VWC2: variants seen among roughly 807,000 people sequenced by gnomAD.
VWC2 encodes brorin.
VWC2 carries 14 observed loss-of-function variants against 29.8 expected under a neutral mutation model. That is an observed-to-expected ratio of 0.47 (90% CI 0.31 to 0.74). The LOEUF (loss-of-function observed/expected upper bound fraction) is 0.74, where lower values mean the gene tolerates loss of function less well. VWC2 is among the 30% of genes least tolerant of loss of function. The pLI, the probability that VWC2 is intolerant of heterozygous loss-of-function variation, is 0.05. For missense variants in VWC2, 457 were observed against 459.8 expected (o/e 0.99, Z 0.05); for synonymous variants, 213 against 199.0 (o/e 1.07, Z -0.59).
At chr7:49,801,603 C>A (rs534357235) in intron 2 of VWC2, among the ~76,000 whole-genome samples, 1 of 152,338 alleles carries the variant, frequency 6.6e-6, no homozygotes, top group African/African-American at 2.4e-5. Context: ...GAGCCCATGG[C>A]TGGAAAGTAG....
At chr7:49,902,320 TG>T (rs916627822) in intron 3 of VWC2, among the ~76,000 whole-genome samples, 3 of 152,016 alleles carry the variant, frequency 2.0e-5, no homozygotes, top group African/African-American at 4.8e-5. Context: ...CAAACAATTT[TG>T]GAATAGAATA....
At chr7:49,779,866 C>A (rs1974955) in intron 2 of VWC2, among the ~76,000 whole-genome samples, 74,830 of 151,960 alleles carry the variant, frequency 0.49, 19,014 homozygotes, top group African/African-American at 0.6. Flanking sequence ...CATGGTGTTC[C>A]CTCTGCATCT....
At chr7:49,880,127 T>C (rs1025483103) in intron 3 of VWC2, among the ~76,000 whole-genome samples, 3 of 152,310 alleles carry the variant, frequency 2.0e-5, no homozygotes, top group Admixed American at 2.0e-4. Flanking sequence ...TTTTGTTTCA[T>C]TTAAAAACTT....
intron 3 of VWC2, among the ~76,000 whole-genome samples, chr7:49,824,600 AT>A (rs1334796433): frequency 6.6e-6 from 1 of 152,128 alleles, no homozygotes; most frequent in Admixed American, 6.5e-5. Flanking sequence ...CCCTGTTTTG[AT>A]TTTGGTTGAG....
chr7:49,893,127 A>C (rs1792215456), intron 3 of VWC2, among the ~76,000 whole-genome samples: 1 of 152,228 alleles, frequency 6.6e-6, no homozygotes, highest in Non-Finnish European at 1.5e-5. Flanking sequence ...GAGCATGAGA[A>C]TACTTTAGCC....
chr7:49,898,063 T>C (rs984437407), intron 3 of VWC2, among the ~76,000 whole-genome samples: 1 of 152,172 alleles, frequency 6.6e-6, no homozygotes. Flanking sequence ...AATACTCAAC[T>C]TTAGCCCACT....
chr7:49,918,312 T>C lies in VWC2; in HGVS notation c.*6127T>C, dbSNP rs1793829310. 1 of 152,212 alleles carries C rather than the reference T, an allele frequency of 6.6e-6. No individual in the cohort carries two copies. The highest frequency in any genetic ancestry group is 2.4e-5 in the African/African-American group (1 of 41,462). 9.4% of individuals were successfully genotyped at this position (152,212 alleles called of 1,614,324 possible). ...GTGATTTGAAGTCTTATCATTTGTG[T>C]TTAGGTCAGGGACCTCTAGAAAATA... On this transcript the variant is annotated 3_prime_UTR_variant, in exon 4 of 4. Transcript: ENST00000340652.
intron 2 of VWC2, among the ~76,000 whole-genome samples, chr7:49,781,235 A>G (rs2128701526): frequency 6.6e-6 from 1 of 151,796 alleles, no homozygotes; most frequent in East Asian, 1.9e-4. Context: ...GTCTAAAGCC[A>G]TTTAAACAGT....
chr7:49,879,101 C>A (rs1791566113), intron 3 of VWC2, among the ~76,000 whole-genome samples: 1 of 152,150 alleles, frequency 6.6e-6, no homozygotes, highest in Non-Finnish European at 1.5e-5. Flanking sequence ...TCAAAGGTCT[C>A]TGCTTTTTCT....
At chr7:49,848,077 G>A (rs532732951) in intron 3 of VWC2, among the ~76,000 whole-genome samples, 10 of 152,306 alleles carry the variant, frequency 6.6e-5, no homozygotes, top group South Asian at 2.1e-4. Context: ...GGTCTCAGTC[G>A]CTAATTAGAT....
chr7:49,856,677 T>C (rs1247894010), intron 3 of VWC2, among the ~76,000 whole-genome samples: 1 of 152,160 alleles, frequency 6.6e-6, no homozygotes, highest in African/African-American at 2.4e-5. Flanking sequence ...AATTAATATA[T>C]CCATCACCTC....
At position 49,921,558 on chromosome 7, in the gene VWC2, GGA is replaced by G. The variant is rs1478807277; in HGVS notation, c.*9377_*9378del. ...CTCAGATTGCTCATCAGTAACATGG[GGA>G]GAGTGGTATCAACCACTAAGAGGAT... is the stretch of plus-strand genomic sequence containing the variant. On this transcript the variant is annotated 3_prime_UTR_variant, in exon 4 of 4. Coordinates refer to ENST00000340652, the MANE Select transcript of VWC2 (RefSeq NM_198570.5). 2 of 152,050 alleles carry G rather than the reference GGA, an allele frequency of 1.3e-5. No individual in the cohort carries two copies. The highest frequency in any genetic ancestry group is 6.6e-5 in the Admixed American group (1 of 15,250). The allele number at this position is 152,050 out of a possible 1,614,324, so 9.4% of individuals were successfully genotyped here.
At chr7:49,893,592 T>C (rs1191955085) in intron 3 of VWC2, among the ~76,000 whole-genome samples, 1 of 152,092 alleles carries the variant, frequency 6.6e-6, no homozygotes, top group Non-Finnish European at 1.5e-5. Flanking sequence ...CAACATATTT[T>C]TAGTTTACTC....
At chr7:49,880,366 G>C (rs900222044) in intron 3 of VWC2, among the ~76,000 whole-genome samples, 2 of 151,816 alleles carry the variant, frequency 1.3e-5, no homozygotes, top group Non-Finnish European at 2.9e-5. Context: ...TGAATTTATA[G>C]ATAACTTTGG....
At chr7:49,874,270 A>G (rs1240753907) in intron 3 of VWC2, among the ~76,000 whole-genome samples, 1 of 152,236 alleles carries the variant, frequency 6.6e-6, no homozygotes, top group Non-Finnish European at 1.5e-5. Context: ...TAGAATTACA[A>G]TACTGCATTT....
intron 3 of VWC2, among the ~76,000 whole-genome samples, chr7:49,826,824 CAG>C (rs1208103205): frequency 6.6e-6 from 1 of 152,092 alleles, no homozygotes; most frequent in African/African-American, 2.4e-5. Flanking sequence ...AGTCGTTTAA[CAG>C]ACTCTGGCCC....
At chr7:49,837,872 A>C (rs1011117530) in intron 3 of VWC2, among the ~76,000 whole-genome samples, 2 of 152,198 alleles carry the variant, frequency 1.3e-5, no homozygotes, top group Non-Finnish European at 2.9e-5. Context: ...TTGAGACCTG[A>C]GAGAAATCTT....
At chr7:49,821,385 A>G (rs1369766882) in intron 3 of VWC2, among the ~76,000 whole-genome samples, 1 of 152,218 alleles carries the variant, frequency 6.6e-6, no homozygotes, top group Non-Finnish European at 1.5e-5. Context: ...TTGGCAGTAG[A>G]AGGAATATTT....
chr7:49,898,398 A>G (rs1356600701), intron 3 of VWC2, among the ~76,000 whole-genome samples: 1 of 151,886 alleles, frequency 6.6e-6, no homozygotes, highest in African/African-American at 2.4e-5. Context: ...TACCCATACA[A>G]TTTTCTTTCT....
Sources: allele counts gnomAD v4.1 joint callset (sites outside exome capture counted in the v4.1 genomes callset), GRCh38; gene constraint gnomAD v4.1.1; transcripts MANE v1.5; gene names NCBI Gene and HGNC (gene_info 2026-07-23, HGNC 2026-07-21).